The following ATP8A2 variants were observed in gnomAD, a reference collection of about 807,000 sequenced individuals.
ATP8A2 encodes the protein phospholipid-transporting ATPase IB.
Under a neutral mutation model 165.6 loss-of-function variants are expected in ATP8A2, and 100 were observed. The ratio of observed to expected loss-of-function variants is 0.60; its 90% CI spans 0.51 to 0.71. The LOEUF (loss-of-function observed/expected upper bound fraction) is 0.71. Ranked by LOEUF, ATP8A2 falls within the 30% of genes least tolerant of loss-of-function variation. The pLI is 0.00. For missense variants in ATP8A2, 1,227 were observed against 1,479.5 expected, an observed-to-expected ratio of 0.83 and a Z score of 2.80; for synonymous variants, 543 against 548.8, an observed-to-expected ratio of 0.99 and a Z score of 0.15.
intron 13 of ATP8A2, among the ~76,000 whole-genome samples, chr13:25,557,563 C>T (rs1377789170): frequency 6.6e-6 from 1 of 152,154 alleles, no homozygotes; most frequent in African/African-American, 2.4e-5. Flanking sequence ...AACATAAATA[C>T]AGTAAAATAA....
intron 35 of ATP8A2, among the ~76,000 whole-genome samples, chr13:25,969,263 G>T (rs1165542881): frequency 6.6e-6 from 1 of 152,140 alleles, no homozygotes; most frequent in Non-Finnish European, 1.5e-5. Context: ...TCCCCACAAG[G>T]AACAGCTGGG....
intron 27 of ATP8A2, among the ~76,000 whole-genome samples, chr13:25,790,981 CAA>C (rs1370387935): frequency 1.3e-5 from 2 of 152,048 alleles, no homozygotes; most frequent in Admixed American, 6.6e-5. Flanking sequence ...GATGATTTCC[CAA>C]AGACCTAAAA....
intron 1 of ATP8A2, among the ~76,000 whole-genome samples, chr13:25,418,794 A>T (rs186369540): frequency 3.9e-4 from 59 of 152,294 alleles, no homozygotes; most frequent in Admixed American, 2.8e-3. Context: ...TGAGTTCAAC[A>T]GTTCATCATT....
chr13:25,902,939 G>GCACACACACACACACACACACACACA (rs3221410), intron 33 of ATP8A2, among the ~76,000 whole-genome samples: 22 of 140,442 alleles, frequency 1.6e-4, no homozygotes, highest in Non-Finnish European at 1.4e-4. Flanking sequence ...TCCTCAGCAT[G>GCACACACACACACACACACACACACA]CACACACACA....
At chr13:25,988,494 CT>C (rs946233070) in intron 35 of ATP8A2, among the ~76,000 whole-genome samples, 1 of 152,154 alleles carries the variant, frequency 6.6e-6, no homozygotes, top group African/African-American at 2.4e-5. Flanking sequence ...ACACACATTA[CT>C]TTTTTTCTAT....
chr13:25,505,473 C>T (rs569833196), intron 2 of ATP8A2, among the ~76,000 whole-genome samples: 6 of 152,270 alleles, frequency 3.9e-5, no homozygotes, highest in East Asian at 3.9e-4. Flanking sequence ...CACCTTCACA[C>T]GTATAATTTA....
chr13:26,013,890 G>C (rs116107978), intron 36 of ATP8A2, among the ~76,000 whole-genome samples: 1 of 152,228 alleles, frequency 6.6e-6, no homozygotes, highest in East Asian at 1.9e-4. Context: ...GTGGAATATC[G>C]TATGGGAAGA....
At chr13:25,711,507 C>G (rs1282318970) in intron 25 of ATP8A2, among the ~76,000 whole-genome samples, 2 of 151,916 alleles carry the variant, frequency 1.3e-5, no homozygotes, top group Non-Finnish European at 2.9e-5. Context: ...GCCAGGAATT[C>G]TAAACCAGCC....
At chr13:25,733,728 A>C (rs1441528812) in intron 25 of ATP8A2, among the ~76,000 whole-genome samples, 1 of 152,208 alleles carries the variant, frequency 6.6e-6, no homozygotes, top group Non-Finnish European at 1.5e-5. Flanking sequence ...GGCCCATATT[A>C]AAAAGCAAAA....
At chr13:25,589,737 A>G in intron 24 of ATP8A2, 38 bp downstream of exon 24, 1 of 1,250,314 alleles carries the variant, frequency 8.0e-7, no homozygotes. Flanking sequence ...CTTTGCTATA[A>G]CAGTATTAAA....
chr13:25,862,686 A>G (rs1226123021), intron 33 of ATP8A2, among the ~76,000 whole-genome samples: 3 of 152,210 alleles, frequency 2.0e-5, no homozygotes, highest in Admixed American at 2.0e-4. Context: ...TCCATAATAA[A>G]TTATGTGTTA....
chr13:25,666,565 T>C (rs1201338535), intron 24 of ATP8A2, among the ~76,000 whole-genome samples: 1 of 152,194 alleles, frequency 6.6e-6, no homozygotes, highest in Non-Finnish European at 1.5e-5. Flanking sequence ...AAATGAATGA[T>C]TCCAAGCTAA....
At chr13:25,744,430 G>T (rs531934559) in intron 25 of ATP8A2, among the ~76,000 whole-genome samples, 2 of 152,094 alleles carry the variant, frequency 1.3e-5, no homozygotes, top group African/African-American at 4.8e-5. Flanking sequence ...AAAACTGTGC[G>T]TGTGTTTGCA....
intron 25 of ATP8A2, among the ~76,000 whole-genome samples, chr13:25,716,787 G>A (rs940318364): frequency 4.6e-5 from 7 of 152,170 alleles, no homozygotes; most frequent in African/African-American, 1.7e-4. Context: ...GCCTCATGGA[G>A]CTTACATTCT....
At chr13:25,945,756 C>T (rs1057142980) in intron 33 of ATP8A2, among the ~76,000 whole-genome samples, 7 of 152,142 alleles carry the variant, frequency 4.6e-5, no homozygotes, top group Non-Finnish European at 1.0e-4. Context: ...GATTTTTCTG[C>T]TCCGGGAAGG....
chr13:25,725,905 A>G (rs1044057397), intron 25 of ATP8A2, among the ~76,000 whole-genome samples: 1 of 152,202 alleles, frequency 6.6e-6, no homozygotes, highest in Non-Finnish European at 1.5e-5. Context: ...ACTAGGAACT[A>G]TAGTAGGAGT....
chr13:25,893,388 T>C (rs892597013), intron 33 of ATP8A2, among the ~76,000 whole-genome samples: 6 of 152,122 alleles, frequency 3.9e-5, no homozygotes, highest in African/African-American at 1.2e-4. Context: ...ACTCATCATT[T>C]TTTATGGCTG....
intron 33 of ATP8A2, among the ~76,000 whole-genome samples, chr13:25,894,466 C>T (rs571256554): frequency 2.0e-4 from 30 of 152,240 alleles, no homozygotes; most frequent in African/African-American, 5.5e-4. Context: ...AGTCAGGTAG[C>T]ATGATGCCTC....
chr13:25,558,682 G>A (rs769344601), intron 13 of ATP8A2, among the ~76,000 whole-genome samples: 20 of 151,986 alleles, frequency 1.3e-4, no homozygotes, highest in Admixed American at 3.9e-4. Flanking sequence ...CAAATGTTAC[G>A]TGTAGAATGA....
Sources: gnomAD v4.1 joint callset for allele counts (sites outside exome capture counted in the v4.1 genomes callset) on GRCh38, gnomAD v4.1.1 for gene constraint, MANE v1.5 for transcripts, NCBI Gene and HGNC (gene_info 2026-07-23, HGNC 2026-07-21) for gene names.